NSD2: variants seen among roughly 807,000 people sequenced by gnomAD.
The protein encoded by NSD2 is nuclear receptor binding SET domain protein 2, also known as histone-lysine N-methyltransferase NSD2.
Under a neutral mutation model 139.0 loss-of-function variants are expected in NSD2, and 12 were observed. The ratio of observed to expected loss-of-function variants is 0.09; its 90% CI spans 0.06 to 0.14. NSD2 has a LOEUF of 0.14. Ranked by LOEUF, NSD2 falls within the 10% of genes least tolerant of loss-of-function variation. The pLI is 1.00. For missense variants in NSD2, 1,155 were observed against 1,745.0 expected (o/e 0.66, Z 6.02); for synonymous variants, 669 against 648.7 (o/e 1.03, Z -0.48).
At chr4:1,910,097 T>G (rs1031613436) in intron 3 of NSD2, among the ~76,000 whole-genome samples, 10 of 152,052 alleles carry the variant, frequency 6.6e-5, no homozygotes, top group Middle Eastern at 3.4e-3. Flanking sequence ...TAGATTCTTT[T>G]GGAAATCAAA....
At chr4:1,901,284 G>T in intron 2 of NSD2, 33 bp downstream of exon 2, 2 of 1,525,732 alleles carry the variant, frequency 1.3e-6, no homozygotes, top group South Asian at 2.6e-5. Flanking sequence ...GGGGTCATGT[G>T]ACCTTGAGCA....
chr4:1,944,673 A>G (rs1723436238), intron 9 of NSD2: 2 of 1,064,062 alleles, frequency 1.9e-6, no homozygotes, highest in Non-Finnish European at 2.3e-6. Context: ...GGTAGTGCAC[A>G]TATTGGCAAT....
chr4:1,941,233 C>CT (rs1723058738), intron 9 of NSD2: 1 of 1,055,434 alleles, frequency 9.5e-7, no homozygotes, highest in South Asian at 4.6e-5. Flanking sequence ...ACATTTTTCA[C>CT]TTAAGTTGAG....
rs1724177135 is a variant in NSD2 at position 1,951,098 on chromosome 4, C to T, written c.1908C>T (p.Pro636=). The T allele has an allele frequency of 1.2e-6, 2 of 1,614,162 alleles. No homozygotes were observed. Among genetic ancestry groups the T allele is most frequent in the Non-Finnish European group, 1.7e-6 (2 of 1,180,016 alleles). Reference sequence around the variant, plus strand: ...TCTCGGACAGCCCGGGAGACGAGCCCTCGGAGTCCCCATACGAAAGTGCAG... The same window carrying T: ...TCTCGGACAGCCCGGGAGACGAGCCTTCGGAGTCCCCATACGAAAGTGCAG... ...NEVSDSPGDE[P]SESPYESADE... is the part of the protein sequence containing the mutation. Residue 636 remains proline, a synonymous_variant, in exon 10 of 22, where the codon CCC becomes CCT. Coordinates refer to ENST00000508803, the MANE Select transcript of NSD2 (RefSeq NM_001042424.3).
chr4:1,943,175 A>G, intron 9 of NSD2: 1 of 1,041,826 alleles, frequency 9.6e-7, no homozygotes, highest in Non-Finnish European at 1.2e-6. Context: ...GCATTTTTGC[A>G]TGGTAAGGAA....
At chr4:1,878,251 ATTTTTTTTTTTTTTTTTTTTT>A (rs71589624) in intron 1 of NSD2, among the ~76,000 whole-genome samples, 1 of 29,314 alleles carries the variant, frequency 3.4e-5, no homozygotes, top group South Asian at 2.9e-3. Context: ...ATATATATAT[ATTTTTTTTTTTTTTTTTTTTT>A]TTTTTTTTTT....
At chr4:1,971,001 G>A (rs1012106211) in intron 18 of NSD2, among the ~76,000 whole-genome samples, 3 of 152,244 alleles carry the variant, frequency 2.0e-5, no homozygotes, top group African/African-American at 4.8e-5. Context: ...CTTCCAGATT[G>A]GATCATAAAA....
chr4:1,874,794 A>C (rs1055023585), intron 1 of NSD2, among the ~76,000 whole-genome samples: 4 of 152,188 alleles, frequency 2.6e-5, no homozygotes, highest in African/African-American at 9.7e-5. Flanking sequence ...AGAATACGAA[A>C]GAGGAGATGA....
chr4:1,954,853 C>T (rs935693780), intron 12 of NSD2, among the ~76,000 whole-genome samples: 1 of 152,156 alleles, frequency 6.6e-6, no homozygotes, highest in Non-Finnish European at 1.5e-5. Context: ...GGGATGTGCT[C>T]CTGGCATCTA....
chr4:1,903,997 G>A (rs1304083525), intron 2 of NSD2, among the ~76,000 whole-genome samples: 1 of 152,188 alleles, frequency 6.6e-6, no homozygotes, highest in African/African-American at 2.4e-5. Flanking sequence ...GCCTCCCAAA[G>A]TGCTGGGACT....
At chr4:1,892,771 G>A in intron 1 of NSD2, 1 of 151,802 alleles carries the variant, frequency 6.6e-6, no homozygotes, top group East Asian at 2.0e-4. Flanking sequence ...GTTTCACCAT[G>A]TTGGCCAGAG....
intron 18 of NSD2, among the ~76,000 whole-genome samples, chr4:1,967,002 A>G (rs1167792630): frequency 6.6e-6 from 1 of 152,204 alleles, no homozygotes; most frequent in Non-Finnish European, 1.5e-5. Context: ...TTTTAAAAAG[A>G]TCAATAAAAT....
chr4:1,928,747 G>A (rs1172834668), intron 5 of NSD2, among the ~76,000 whole-genome samples: 1 of 152,176 alleles, frequency 6.6e-6, no homozygotes, highest in Non-Finnish European at 1.5e-5. Flanking sequence ...CAGGGGCAGA[G>A]GTGGGTGGGA....
chr4:1,880,186 G>A (rs1714598104), intron 1 of NSD2, among the ~76,000 whole-genome samples: 1 of 152,024 alleles, frequency 6.6e-6, no homozygotes. Context: ...GTAGAGCCTT[G>A]CTACACAAAT....
intron 3 of NSD2, among the ~76,000 whole-genome samples, chr4:1,910,599 G>A (rs1332240398): frequency 1.3e-5 from 2 of 152,070 alleles, no homozygotes; most frequent in African/African-American, 4.8e-5. Flanking sequence ...GGAATGTTAG[G>A]AATTAACCCT....
Position 1,942,023 on chromosome 4 carries a change from TG to T in NSD2, c.1881+2246del, listed in dbSNP as rs144517100. 5.2e-4 allele frequency: 604 copies of T among 1,152,948 alleles called. 3 individuals are homozygous for T. In the African/African-American group the frequency reaches 8.6e-3, roughly 16 times the overall value. 71.4% of individuals were successfully genotyped at this position (1,152,948 alleles called of 1,614,324 possible). A position where few individuals can be genotyped will look rare whatever the true frequency, so the allele number is the denominator to read the frequency against. ...CACACCCATTGGGTCACACCCCCTT[TG>T]CATGTTTGTATTTCCTCCCTTTCAT... On this transcript the variant is annotated intron_variant, in intron 9 of 21. Coordinates refer to ENST00000508803, the MANE Select transcript of NSD2 (RefSeq NM_001042424.3). This position sits in a 1 kb window ranked among gnomAD's most constrained non-coding sequence, Gnocchi z 4.0.
chr4:1,878,042 T>C (rs1237353283), intron 1 of NSD2, among the ~76,000 whole-genome samples: 1 of 151,088 alleles, frequency 6.6e-6, no homozygotes, highest in East Asian at 1.9e-4. Context: ...AAAAATAAAA[T>C]TTAAAAAAAG....
At chr4:1,918,774 G>A (rs1719745289) in intron 5 of NSD2, 151 bp downstream of exon 5, 1 of 1,094,954 alleles carries the variant, frequency 9.1e-7, no homozygotes. Context: ...TTAGGGAACA[G>A]CCATTCTGAC....
At chr4:1,917,850 C>T (rs540289652) in intron 4 of NSD2, among the ~76,000 whole-genome samples, 19 of 146,174 alleles carry the variant, frequency 1.3e-4, no homozygotes, top group Non-Finnish European at 2.2e-4. Flanking sequence ...GGCGTGGTCT[C>T]GGGTTACTGC....
Sources: gnomAD v4.1 joint callset for allele counts (sites outside exome capture counted in the v4.1 genomes callset) on GRCh38, gnomAD v4.1.1 for gene constraint, Gnocchi (gnomAD v3.1) non-coding constraint, MANE v1.5 for transcripts, NCBI Gene and HGNC (gene_info 2026-07-23, HGNC 2026-07-21) for gene names.